The following OR14A2 variants were observed in gnomAD, a reference collection of about 807,000 sequenced individuals.
OR14A2 encodes olfactory receptor family 14 subfamily A member 2.
For synonymous variants in OR14A2, 114 were observed against 58.6 expected (o/e 1.95, Z -4.32); for missense variants, 237 against 152.9 (o/e 1.55, Z -2.90).
At chr1:247,733,551 T>A in the OR14A2 span, among the ~76,000 whole-genome samples, 1 of 152,150 alleles carries the variant, frequency 6.6e-6, no homozygotes, top group African/African-American at 2.4e-5. Context: ...TCACTCTCCC[T>A]ATATAACAAA....
At chr1:247,727,997 A>AG (rs1660420428), upstream of OR14A2, among the ~76,000 whole-genome samples, 1 of 145,198 alleles carries the variant, frequency 6.9e-6, no homozygotes, top group African/African-American at 2.7e-5. Flanking sequence ...CAGAGGTACA[A>AG]GGAGGAACTG....
At chr1:247,738,658 T>A in the OR14A2 span, 5 of 780,536 alleles carry the variant, frequency 6.4e-6, no homozygotes, top group Non-Finnish European at 1.2e-5. Context: ...CTTGTGAGAT[T>A]TACTGAGAAT....
upstream of OR14A2, among the ~76,000 whole-genome samples, chr1:247,724,757 A>G (rs1000419234): frequency 6.6e-6 from 1 of 152,134 alleles, no homozygotes; most frequent in African/African-American, 2.4e-5. Flanking sequence ...CCACATCATT[A>G]TAAGGGTGGT....
chr1:247,732,612 T>A, the OR14A2 span, among the ~76,000 whole-genome samples: 7 of 152,288 alleles, frequency 4.6e-5, no homozygotes, highest in East Asian at 1.2e-3. Context: ...CTTACCCAAC[T>A]GATTTGAAAA....
At chr1:247,739,758 G>A in the OR14A2 span, among the ~76,000 whole-genome samples, 2 of 151,642 alleles carry the variant, frequency 1.3e-5, no homozygotes, top group Admixed American at 6.6e-5. Flanking sequence ...ATTTTGAGAC[G>A]GAATCTCTCT....
At chr1:247,737,582 C>T in the OR14A2 span, among the ~76,000 whole-genome samples, 2 of 152,080 alleles carry the variant, frequency 1.3e-5, no homozygotes, top group East Asian at 1.9e-4. Context: ...GTCTACATAC[C>T]CTAAGAGCTA....
the OR14A2 span, among the ~76,000 whole-genome samples, chr1:247,744,845 C>A: frequency 6.6e-6 from 1 of 152,096 alleles, no homozygotes; most frequent in Non-Finnish European, 1.5e-5. The surrounding 1 kb of genome is among the most constrained non-coding windows in gnomAD (Gnocchi z 4.3). Context: ...AAAGGAGAAC[C>A]TCCAGTTTTT....
upstream of OR14A2, among the ~76,000 whole-genome samples, chr1:247,728,159 A>T (rs1483783813): frequency 1.3e-5 from 2 of 152,094 alleles, no homozygotes; most frequent in Admixed American, 1.3e-4. Flanking sequence ...ATGAACATTG[A>T]TGCAAAAATC....
the OR14A2 span, among the ~76,000 whole-genome samples, chr1:247,731,230 G>A: frequency 2.6e-5 from 4 of 151,900 alleles, no homozygotes; most frequent in Non-Finnish European, 2.9e-5. Context: ...TGCTGGACAT[G>A]AAATTTTTGA....
At chr1:247,740,124 G>T in the OR14A2 span, among the ~76,000 whole-genome samples, 3 of 152,196 alleles carry the variant, frequency 2.0e-5, no homozygotes, top group South Asian at 2.1e-4. Flanking sequence ...TGCATTGCAT[G>T]AGATTTGTAT....
At chr1:247,747,392 C>T in the OR14A2 span, among the ~76,000 whole-genome samples, 100 of 146,812 alleles carry the variant, frequency 6.8e-4, 3 homozygotes, top group East Asian at 0.014. Context: ...GACGGAGTCT[C>T]GCTCTGTTGC....
chr1:247,743,437 G>T, the OR14A2 span, among the ~76,000 whole-genome samples: 2 of 152,134 alleles, frequency 1.3e-5, no homozygotes, highest in Non-Finnish European at 2.9e-5. Context: ...TGGCCTCAAG[G>T]GACAAAGTTT....
chr1:247,739,209 G>A, the OR14A2 span: 1 of 780,730 alleles, frequency 1.3e-6, no homozygotes, highest in South Asian at 1.3e-5. Context: ...TGTCAGTGTG[G>A]CCATTGGGGT....
the OR14A2 span, among the ~76,000 whole-genome samples, chr1:247,741,541 G>T: frequency 7.9e-5 from 12 of 152,160 alleles, no homozygotes; most frequent in Admixed American, 7.9e-4. Context: ...AGAACTGAAG[G>T]CACTGGATAA....
At chr1:247,724,784 G>A (rs1472666939), upstream of OR14A2, among the ~76,000 whole-genome samples, 5 of 152,020 alleles carry the variant, frequency 3.3e-5, 1 homozygote, top group Non-Finnish European at 7.4e-5. Context: ...GTTTATAAAG[G>A]AATTTTGACA....
At chr1:247,731,536 G>A in the OR14A2 span, among the ~76,000 whole-genome samples, 1 of 151,498 alleles carries the variant, frequency 6.6e-6, no homozygotes, top group Admixed American at 6.6e-5. Flanking sequence ...AAAAATATTG[G>A]CCATTATATC....
At position 247,723,274 on chromosome 1, in the gene OR14A2, TAAAC is replaced by T. The variant is rs1660246067; in HGVS notation, c.766_769del (p.Val256IlefsTer18). The T allele has an allele frequency of 1.4e-6, 1 of 717,460 alleles. No individual in the cohort carries two copies. Among genetic ancestry groups the T allele is most frequent in the Non-Finnish European group, 2.6e-6 (1 of 385,048 alleles). The allele number at this position is 717,460 out of a possible 1,614,324, so 44.4% of individuals were successfully genotyped here. A position where few individuals can be genotyped will look rare whatever the true frequency, so the allele number is the denominator to read the frequency against. On this transcript the variant is annotated frameshift_variant, in exon 1 of 1. Coordinates refer to ENST00000366485, the Ensembl canonical transcript of OR14A2. LOFTEE classifies it low-confidence loss of function (END_TRUNC). ...TGGTGAATTTGAAGGTGGCTTAAGA[TAAAC>T]AAAATAAGCAGTTATGATAAAAACA...
chr1:247,744,404 T>A, the OR14A2 span, among the ~76,000 whole-genome samples: 2 of 152,156 alleles, frequency 1.3e-5, no homozygotes, highest in Non-Finnish European at 2.9e-5. This position sits in a 1 kb window ranked among gnomAD's most constrained non-coding sequence, Gnocchi z 4.3. Context: ...CCATGAATTT[T>A]TATTGGTCTT....
chr1:247,736,258 A>G, the OR14A2 span, among the ~76,000 whole-genome samples: 1 of 149,854 alleles, frequency 6.7e-6, no homozygotes, highest in Non-Finnish European at 1.5e-5. Context: ...TGTTGTTAAT[A>G]TGATATAGAA....
Sources: allele counts gnomAD v4.1 joint callset (sites outside exome capture counted in the v4.1 genomes callset), GRCh38; gene constraint gnomAD v4.1.1; non-coding constraint Gnocchi (gnomAD v3.1); transcripts MANE v1.5; gene names NCBI Gene and HGNC (gene_info 2026-07-23, HGNC 2026-07-21).